Variants in TUNAR observed in about 807,000 individuals in gnomAD.
TUNAR encodes the protein transmembrane neural differentiation associated intracellular calcium regulator, also known as protein TUNAR.
At chr14:95,900,632 G>T (rs747981854) in intron 2 of TUNAR, among the ~76,000 whole-genome samples, 2 of 152,218 alleles carry the variant, frequency 1.3e-5, no homozygotes, top group Non-Finnish European at 2.9e-5. Flanking sequence ...GCCAGCCAGG[G>T]CAGGAGGTGG....
intron 2 of TUNAR, among the ~76,000 whole-genome samples, chr14:95,914,989 G>T (rs1246185319): frequency 6.6e-6 from 1 of 152,216 alleles, no homozygotes; most frequent in African/African-American, 2.4e-5. Flanking sequence ...AGTAGTTCCA[G>T]TGGGTGCAAG....
chr14:95,903,216 T>C (rs1307529824), intron 2 of TUNAR, among the ~76,000 whole-genome samples: 1 of 152,200 alleles, frequency 6.6e-6, no homozygotes, highest in Non-Finnish European at 1.5e-5. Flanking sequence ...ACTTTGCCCA[T>C]TTATAAAATG....
chr14:95,922,655 T>C, intron 2 of TUNAR, 126 bp from the exon 2 acceptor site: 1 of 395,084 alleles, frequency 2.5e-6, no homozygotes, highest in East Asian at 3.6e-5. Flanking sequence ...AGGATCCTTG[T>C]GGGATTTGTC....
At chr14:95,908,980 C>T (rs1889469852) in intron 2 of TUNAR, among the ~76,000 whole-genome samples, 1 of 152,166 alleles carries the variant, frequency 6.6e-6, no homozygotes, top group African/African-American at 2.4e-5. Flanking sequence ...GAGGTCTGCA[C>T]CACAGGCCTG....
Position 95,915,862 on chromosome 14 carries a change from C to T in TUNAR, c.13-6919C>T, listed in dbSNP as rs148009896. Among the ~76,000 whole-genome samples, 250 of 152,340 alleles carry T rather than the reference C, an allele frequency of 1.6e-3. 1 individual carries two copies. The Middle Eastern group carries it at 0.017, about 10-fold the overall frequency. ...GAACTGTGCTTGAAAGTGAGTTGCC[C>T]ATCGCCTTAGCACAGTAGGGGTGCT... On this transcript the variant is annotated intron_variant, in intron 2 of 2. Coordinates refer to ENST00000678517, the Ensembl canonical transcript of TUNAR.
intron 2 of TUNAR, among the ~76,000 whole-genome samples, chr14:95,900,451 G>A (rs1014108406): frequency 6.6e-5 from 10 of 152,216 alleles, no homozygotes; most frequent in Non-Finnish European, 1.5e-4. Flanking sequence ...GGCATGGCTT[G>A]AGCAAGAGCC....
At chr14:95,900,567 T>C (rs1032676291) in intron 2 of TUNAR, among the ~76,000 whole-genome samples, 2 of 152,236 alleles carry the variant, frequency 1.3e-5, no homozygotes, top group Non-Finnish European at 2.9e-5. Context: ...TTTGGGTTTC[T>C]TGTCTGGTGA....
intron 2 of TUNAR, among the ~76,000 whole-genome samples, chr14:95,878,986 T>C (rs574744902): frequency 2.0e-5 from 3 of 152,116 alleles, no homozygotes; most frequent in Admixed American, 1.3e-4. Context: ...ATAAATAAAG[T>C]GATTTTTTTT....
intron 2 of TUNAR, among the ~76,000 whole-genome samples, chr14:95,919,525 T>G (rs565737393): frequency 6.6e-6 from 1 of 151,282 alleles, no homozygotes; most frequent in African/African-American, 2.4e-5. Context: ...CCTAGCAACA[T>G]AGTGGGACCC....
intron 2 of TUNAR, among the ~76,000 whole-genome samples, chr14:95,881,565 C>A (rs142884539): frequency 3.7e-4 from 56 of 152,348 alleles, no homozygotes; most frequent in African/African-American, 1.2e-3. Flanking sequence ...CAGAGGAACA[C>A]ATGTAAGACC....
chr14:95,877,349 C>T (rs559225809), intron 2 of TUNAR, among the ~76,000 whole-genome samples, 172 bp downstream of exon 1: 2 of 152,244 alleles, frequency 1.3e-5, no homozygotes, highest in East Asian at 1.9e-4. Context: ...GCTGAACTGC[C>T]CGGGCAGACC....
intron 2 of TUNAR, among the ~76,000 whole-genome samples, chr14:95,917,489 A>G (rs779074899): frequency 2.6e-5 from 4 of 152,192 alleles, no homozygotes; most frequent in African/African-American, 7.2e-5. Context: ...TCTTTGATAT[A>G]CATTTTAGAA....
intron 2 of TUNAR, among the ~76,000 whole-genome samples, chr14:95,907,066 A>G (rs183151236): frequency 1.1e-3 from 173 of 152,290 alleles, no homozygotes; most frequent in Non-Finnish European, 2.0e-3. Flanking sequence ...GCACTTTCAC[A>G]CTTTGCTTTT....
chr14:95,896,188 T>C (rs1889265538), intron 2 of TUNAR, among the ~76,000 whole-genome samples: 1 of 152,200 alleles, frequency 6.6e-6, no homozygotes, highest in Admixed American at 6.5e-5. Context: ...CCTGCTGCCT[T>C]TCCTACCGAT....
In TUNAR at chr14:95,894,592, T is replaced by G. The variant is rs1356693050; in HGVS notation, c.12+17415T>G. Among the ~76,000 whole-genome samples the G allele has an allele frequency of 2.6e-5, 4 of 152,082 alleles. No individual in the cohort carries two copies. In the East Asian group the frequency reaches 7.7e-4, roughly 29 times the overall value. ...TTTTCTTGGTGTAAACTGTTCCCAA[T>G]CGATTGAGAAAGAAGATTTGGAACC... On this transcript the variant is annotated intron_variant, in intron 2 of 2. Coordinates refer to ENST00000678517, the Ensembl canonical transcript of TUNAR.
At chr14:95,922,694 C>A (rs1465090651) in intron 2 of TUNAR, 87 bp from the exon 2 acceptor site, 4 of 397,054 alleles carry the variant, frequency 1.0e-5, no homozygotes, top group Non-Finnish European at 1.3e-5. Context: ...GACCTGCAAG[C>A]AGATCACTAC....
chr14:95,883,603 A>G (rs920273003), intron 2 of TUNAR, among the ~76,000 whole-genome samples: 1 of 152,178 alleles, frequency 6.6e-6, no homozygotes, highest in African/African-American at 2.4e-5. Context: ...GGGTCTGTTC[A>G]GAATCTGGAG....
chr14:95,891,962 T>C (rs1459532391), intron 2 of TUNAR, among the ~76,000 whole-genome samples: 1 of 152,250 alleles, frequency 6.6e-6, no homozygotes, highest in African/African-American at 2.4e-5. Flanking sequence ...GTGCATCTAT[T>C]TGTCTGTGTC....
At chr14:95,890,946 T>C in intron 2 of TUNAR, among the ~76,000 whole-genome samples, 1 of 151,280 alleles carries the variant, frequency 6.6e-6, no homozygotes, top group East Asian at 1.9e-4. Context: ...GCACTCGGAG[T>C]CCTCAGAAAT....
Sources: allele counts gnomAD v4.1 joint callset (sites outside exome capture counted in the v4.1 genomes callset), GRCh38; gene constraint gnomAD v4.1.1; transcripts MANE v1.5; gene names NCBI Gene and HGNC (gene_info 2026-07-23, HGNC 2026-07-21).